Variants in ATRNL1 observed in about 807,000 individuals in gnomAD.
ATRNL1 encodes the protein attractin-like protein 1.
Under a neutral mutation model 182.7 loss-of-function variants are expected in ATRNL1, and 95 were observed. That is an observed-to-expected ratio of 0.52 (90% CI 0.44 to 0.62). The LOEUF (loss-of-function observed/expected upper bound fraction) is 0.62. Ranked by LOEUF, ATRNL1 falls within the 20% of genes least tolerant of loss-of-function variation. The pLI, the probability that ATRNL1 is intolerant of heterozygous loss-of-function variation, is 0.00. For missense variants in ATRNL1, 1,471 were observed against 1,679.5 expected, an observed-to-expected ratio of 0.88 and a Z score of 2.17; for synonymous variants, 576 against 568.3, an observed-to-expected ratio of 1.01 and a Z score of -0.19.
chr10:115,829,549 T>C (rs960941071), intron 27 of ATRNL1, among the ~76,000 whole-genome samples: 7 of 151,892 alleles, frequency 4.6e-5, no homozygotes, highest in African/African-American at 1.7e-4. Context: ...TTATCTGCAA[T>C]GCGAGCTGAG....
chr10:115,761,725 C>T (rs117866007), intron 27 of ATRNL1, among the ~76,000 whole-genome samples: 3,274 of 152,240 alleles, frequency 0.022, 56 homozygotes, highest in Non-Finnish European at 0.034. Flanking sequence ...GATAAAAATC[C>T]TAGCTTTTTC....
At chr10:115,747,130 A>T (rs576353304) in intron 27 of ATRNL1, among the ~76,000 whole-genome samples, 9 of 152,270 alleles carry the variant, frequency 5.9e-5, no homozygotes, top group African/African-American at 2.2e-4. Context: ...TAAGGAATAT[A>T]GTTATCATAG....
chr10:115,570,148 G>A (rs1854305304), intron 26 of ATRNL1, among the ~76,000 whole-genome samples: 1 of 152,126 alleles, frequency 6.6e-6, no homozygotes, highest in Non-Finnish European at 1.5e-5. Flanking sequence ...TTTTTTAGTA[G>A]AGATGGGGTT....
chr10:115,490,902 G>T (rs1316362333), intron 24 of ATRNL1, among the ~76,000 whole-genome samples: 1 of 152,140 alleles, frequency 6.6e-6, no homozygotes, highest in Admixed American at 6.5e-5. Context: ...GTGACCTTCA[G>T]ATGGGGTCTC....
intron 20 of ATRNL1, among the ~76,000 whole-genome samples, chr10:115,413,298 G>A (rs1354180276): frequency 6.6e-6 from 1 of 152,088 alleles, no homozygotes; most frequent in Non-Finnish European, 1.5e-5. Context: ...AAGTAAGCCT[G>A]CATTCTTTTT....
At chr10:115,299,988 T>G in intron 15 of ATRNL1, 46 bp from the exon 16 acceptor site, 1 of 1,432,726 alleles carries the variant, frequency 7.0e-7, no homozygotes, top group Non-Finnish European at 9.8e-7. Flanking sequence ...ATGCCATATT[T>G]TTACATCTAA....
chr10:115,326,478 G>A (rs1854888248), intron 18 of ATRNL1, among the ~76,000 whole-genome samples: 1 of 152,078 alleles, frequency 6.6e-6, no homozygotes, highest in African/African-American at 2.4e-5. Context: ...TGGGTAGGAA[G>A]AATCAATATC....
At chr10:115,179,931 C>G (rs532137383) in intron 8 of ATRNL1, among the ~76,000 whole-genome samples, 5 of 151,762 alleles carry the variant, frequency 3.3e-5, no homozygotes, top group East Asian at 1.9e-4. Context: ...TAAGCAGAAC[C>G]CTTATTTATG....
chr10:115,619,060 T>C (rs1045184590), intron 26 of ATRNL1, among the ~76,000 whole-genome samples: 3 of 152,242 alleles, frequency 2.0e-5, no homozygotes, highest in Admixed American at 1.3e-4. Context: ...TAAGGTAGTC[T>C]TCATATGATT....
intron 27 of ATRNL1, among the ~76,000 whole-genome samples, chr10:115,845,129 A>C (rs1363471890): frequency 2.0e-5 from 3 of 152,120 alleles, no homozygotes; most frequent in Admixed American, 1.3e-4. Flanking sequence ...CTAGTAACTA[A>C]TATTTTAAAC....
At chr10:115,423,909 A>G (rs1351129597) in intron 20 of ATRNL1, among the ~76,000 whole-genome samples, 2 of 152,224 alleles carry the variant, frequency 1.3e-5, no homozygotes, top group African/African-American at 2.4e-5. Context: ...AGCACAGGCA[A>G]CAAAAGCAAA....
chr10:115,935,913 T>C (rs1953542691), intron 28 of ATRNL1, among the ~76,000 whole-genome samples: 1 of 152,212 alleles, frequency 6.6e-6, no homozygotes, highest in African/African-American at 2.4e-5. Context: ...AAGTCATGTG[T>C]TTCCTCATGG....
At chr10:115,101,655 C>T (rs1478374724) in intron 1 of ATRNL1, among the ~76,000 whole-genome samples, 3 of 152,072 alleles carry the variant, frequency 2.0e-5, no homozygotes, top group Non-Finnish European at 4.4e-5. Context: ...TATTAGTCTG[C>T]ACTTTTCTTA....
intron 28 of ATRNL1, among the ~76,000 whole-genome samples, chr10:115,879,315 A>AAAAAAAAAAG (rs1491540536): frequency 6.8e-6 from 1 of 147,018 alleles, no homozygotes; most frequent in African/African-American, 2.5e-5. Context: ...CAAAAAAAAA[A>AAAAAAAAAAG]GAAAGAAAGA....
chr10:115,281,297 A>T (rs1852348806), intron 13 of ATRNL1, 58 bp from the exon 14 acceptor site: 1 of 1,478,272 alleles, frequency 6.8e-7, no homozygotes, highest in Non-Finnish European at 9.1e-7. Context: ...TATACACTGA[A>T]GTTTAAGAAT....
chr10:115,664,288 C>G (rs1169126289), intron 26 of ATRNL1, among the ~76,000 whole-genome samples: 1 of 152,140 alleles, frequency 6.6e-6, no homozygotes, highest in East Asian at 1.9e-4. Flanking sequence ...AAAGTAGTAA[C>G]AGCTTCACCA....
intron 25 of ATRNL1, among the ~76,000 whole-genome samples, chr10:115,523,834 T>C (rs34733774): frequency 0.18 from 27,169 of 152,246 alleles, 3,050 homozygotes; most frequent in Non-Finnish European, 0.25. Flanking sequence ...TTTACATTTT[T>C]AGGTGTCTTT....
In ATRNL1 at chr10:115,948,690, TTA is replaced by T. The variant is rs1478366290; in HGVS notation, c.*3913_*3914del. Reference sequence around the variant, plus strand: ...AGAGGGAGTTCTCTAAATAACAAAGTTATTACTCTAATTCAAAATGCTTTAAA... The same window carrying T: ...AGAGGGAGTTCTCTAAATAACAAAGTTTACTCTAATTCAAAATGCTTTAAA... On this transcript the variant is annotated 3_prime_UTR_variant, in exon 29 of 29. Transcript: ENST00000355044. 1.3e-5 allele frequency: 2 copies of T among 152,168 alleles called. No homozygotes were observed. Among genetic ancestry groups the T allele is most frequent in the African/African-American group, 4.8e-5 (2 of 41,438 alleles). 9.4% of individuals were successfully genotyped at this position (152,168 alleles called of 1,614,324 possible).
chr10:115,452,342 T>A (rs1304299270), intron 21 of ATRNL1, among the ~76,000 whole-genome samples: 1 of 152,222 alleles, frequency 6.6e-6, no homozygotes, highest in Non-Finnish European at 1.5e-5. Context: ...CATGCTTTTT[T>A]AAGGTCATAA....
Sources: allele counts gnomAD v4.1 joint callset (sites outside exome capture counted in the v4.1 genomes callset), GRCh38; gene constraint gnomAD v4.1.1; transcripts MANE v1.5; gene names NCBI Gene and HGNC (gene_info 2026-07-23, HGNC 2026-07-21).